GFRA4: variants seen among roughly 807,000 people sequenced by gnomAD.
The protein encoded by GFRA4 is GDNF family receptor alpha 4.
GFRA4 carries 31 observed loss-of-function variants against 28.5 expected under a neutral mutation model. The ratio of observed to expected loss-of-function variants is 1.09; its 90% CI spans 0.82 to 1.47. GFRA4 has a LOEUF of 1.47. Among genes scored for constraint, GFRA4 ranks in the 40% most tolerant of loss-of-function variants. GFRA4 has a pLI of 0.00. For missense variants in GFRA4, 389 were observed against 413.2 expected, an observed-to-expected ratio of 0.94 and a Z score of 0.51; for synonymous variants, 188 against 188.0, an observed-to-expected ratio of 1.00 and a Z score of 0.00.
At chr20:3,660,425 T>C (rs1229244350) in intron 4 of GFRA4, 101 bp downstream of exon 4, 2 of 1,226,418 alleles carry the variant, frequency 1.6e-6, no homozygotes, top group African/African-American at 3.0e-5. Context: ...AACTGTACAG[T>C]CTTCCATTCT....
chr20:3,662,242 C>T (rs2087231758), intron 1 of GFRA4, among the ~76,000 whole-genome samples: 2 of 152,164 alleles, frequency 1.3e-5, no homozygotes, highest in African/African-American at 4.8e-5. Context: ...GCCCACATGC[C>T]CACAGGCTGT....
chr20:3,659,786 G>A lies in GFRA4; in HGVS notation c.*123C>T. ...CCAAACCTACAAAGGGCAGCGGAGT[G>A]AAAGCACCAGGGCCGGCTTGGGGGG... On this transcript the variant is annotated 3_prime_UTR_variant, in exon 6 of 6. Transcript: ENST00000290417. The A allele has an allele frequency of 2.2e-6, 2 of 927,842 alleles. No individual in the cohort carries two copies. The highest frequency in any genetic ancestry group is 3.3e-6 in the Non-Finnish European group (2 of 604,710). The allele number at this position is 927,842 out of a possible 1,614,324, so 57.5% of individuals were successfully genotyped here.
rs1317518323 is a variant in GFRA4, at chr20:3,661,654, A to G, written c.47-365T>C. Among the ~76,000 whole-genome samples the G allele has an allele frequency of 2.0e-5, 3 of 152,172 alleles. No individual in the cohort carries two copies. The East Asian group carries it at 5.8e-4, about 29-fold the overall frequency. On this transcript the variant is annotated intron_variant, in intron 1 of 5. Transcript: ENST00000290417. ...CAATGGCACTACCTGACGGGGGAAC[A>G]ATGAGGCTTTCTGGGGATCTGGCCA... is the stretch of plus-strand genomic sequence containing the variant.
Position 3,661,035 on chromosome 20 carries a change from A to T in GFRA4, c.301T>A (p.Phe101Ile). ...PACAERRRQT[F>I]VPSCAFSGPG... ...CCCGAAAAGGCGCAGGAGGGCACGA[A>T]GGTCTGGCGCCGACGCTCGGCGCAC... Residue 101 changes from phenylalanine to isoleucine, a missense_variant, in exon 2 of 6, where the codon TTC becomes ATC. Physicochemically the swap from Phe to Ile is conservative, Grantham distance 21. Coordinates refer to ENST00000290417, the MANE Select transcript of GFRA4 (RefSeq NM_022139.4). 1 of 1,463,802 alleles carries T rather than the reference A, an allele frequency of 6.8e-7. No individual in the cohort carries two copies. Among genetic ancestry groups the T allele is most frequent in the Non-Finnish European group, 9.0e-7 (1 of 1,114,828 alleles). The allele number at this position is 1,463,802 out of a possible 1,614,324, so 90.7% of individuals were successfully genotyped here.
At position 3,661,056 on chromosome 20, in the gene GFRA4, C is replaced by T; in HGVS notation, c.280G>A (p.Ala94Thr). ...LFCPCAGPAC[A>T]ERRRQTFVPS... ...ACGAAGGTCTGGCGCCGACGCTCGGCGCACGCGGGGCCCGCGCACGGGCAG... is the reference window on the plus strand; with the variant it reads ...ACGAAGGTCTGGCGCCGACGCTCGGTGCACGCGGGGCCCGCGCACGGGCAG... Residue 94 changes from alanine to threonine, a missense_variant, in exon 2 of 6, where the codon GCC becomes ACC. Coordinates refer to ENST00000290417, the MANE Select transcript of GFRA4 (RefSeq NM_022139.4). 2.8e-6 allele frequency: 4 copies of T among 1,450,380 alleles called. No individual in the cohort carries two copies. The highest frequency in any genetic ancestry group is 3.6e-6 in the Non-Finnish European group (4 of 1,108,782). The allele number at this position is 1,450,380 out of a possible 1,614,324, so 89.8% of individuals were successfully genotyped here.
rs976222913 is a variant in GFRA4 at position 3,659,703 on chromosome 20, G to A, written c.*206C>T. 1.9e-5 allele frequency: 11 copies of A among 587,476 alleles called. No homozygotes were observed. The highest frequency in any genetic ancestry group is 1.5e-4 in the African/African-American group (8 of 52,860). The allele number at this position is 587,476 out of a possible 1,614,324, so 36.4% of individuals were successfully genotyped here. ...GATGCCTCCTGACAGGGAGACGGGG[G>A]CTTTACAGTCAGGCCCCAGCCTACA... On this transcript the variant is annotated 3_prime_UTR_variant, in exon 6 of 6. Transcript: ENST00000290417.
rs374283828 is a variant in GFRA4, at chr20:3,660,222, C to A, written c.665G>T (p.Gly222Val). 3 of 1,606,304 alleles carry A rather than the reference C, an allele frequency of 1.9e-6. No individual in the cohort carries two copies. Among genetic ancestry groups the A allele is most frequent in the Non-Finnish European group, 1.7e-6 (2 of 1,177,086 alleles). ...CTGGTCCAGCAGGACTGGGGGCCAC[C>A]CGCTGGCAAAGGCCTGAATGGCACC... The part of the protein sequence containing the change: ...LDGAIQAFAS[G>V]WPPVLLDQLN... The change falls in exon 5 of 6, where the codon GGG becomes GTG. Residue 222 changes from glycine (G) to valine (V), a missense_variant. Physicochemically the swap from Gly to Val is moderately radical, Grantham distance 109. Coordinates refer to ENST00000290417, the MANE Select transcript of GFRA4 (RefSeq NM_022139.4).
In GFRA4 at chr20:3,661,069, C is replaced by A. The variant is rs1029600676; in HGVS notation, c.267G>T (p.Ala89=). ...LTHALLFCPC[A]GPACAERRRQ... The stretch of plus-strand genomic sequence containing the variant: ...GCCGACGCTCGGCGCACGCGGGGCC[C>A]GCGCACGGGCAGAAGAGCAGTGCGT... Residue 89 remains alanine, a synonymous_variant, in exon 2 of 6, where the codon GCG becomes GCT. Coordinates refer to ENST00000290417, the MANE Select transcript of GFRA4 (RefSeq NM_022139.4). 7.6e-6 allele frequency: 11 copies of A among 1,442,532 alleles called. No homozygotes were observed. The highest frequency in any genetic ancestry group is 4.0e-5 in the South Asian group (3 of 74,832). 89.4% of individuals were successfully genotyped at this position (1,442,532 alleles called of 1,614,324 possible). A position where few individuals can be genotyped will look rare whatever the true frequency, so the allele number is the denominator to read the frequency against.
chr20:3,660,615 ACG>A lies in GFRA4; in HGVS notation c.546_547del (p.Val183GlyfsTer14). 2 of 1,550,704 alleles carry A rather than the reference ACG, an allele frequency of 1.3e-6. No individual in the cohort carries two copies. The highest frequency in any genetic ancestry group is 1.7e-6 in the Non-Finnish European group (2 of 1,147,372). On this transcript the variant is annotated frameshift_variant, in exon 4 of 6. Transcript: ENST00000290417. LOFTEE classifies it high-confidence loss of function. ...GGCTCCGCAGTCGCACCAGGGCGCCACGCGCGCGCTCACGTTGTCCACGTAGT... is the reference window on the plus strand; with the variant it reads ...GGCTCCGCAGTCGCACCAGGGCGCCACGCGCGCTCACGTTGTCCACGTAGT...
chr20:3,660,276 C>T, intron 4 of GFRA4, 27 bp from the exon 5 acceptor site: 1 of 1,568,612 alleles, frequency 6.4e-7, no homozygotes, highest in Non-Finnish European at 8.7e-7. Flanking sequence ...CCAGGGTGGA[C>T]TTAGCTGGGA....
In GFRA4 at chr20:3,660,821, TGGGCG is replaced by T; in HGVS notation, c.431_435del (p.Ala144GlufsTer29). 7.1e-7 allele frequency: 1 copy of T among 1,416,326 alleles called. No homozygotes were observed. Among genetic ancestry groups the T allele is most frequent in the Non-Finnish European group, 9.1e-7 (1 of 1,097,404 alleles). The allele number at this position is 1,416,326 out of a possible 1,614,324, so 87.7% of individuals were successfully genotyped here. A position where few individuals can be genotyped will look rare whatever the true frequency, so the allele number is the denominator to read the frequency against. ...TCCAGCAGGCAGCCGTCGGGGGCGC[TGGGCG>T]CTGGGGTGCACGAGACCTGAAAGGC... On this transcript the variant is annotated frameshift_variant, in exon 3 of 6. Transcript: ENST00000290417. LOFTEE classifies it high-confidence loss of function.
chr20:3,661,748 T>C (rs574242559), intron 1 of GFRA4, among the ~76,000 whole-genome samples: 1 of 152,314 alleles, frequency 6.6e-6, no homozygotes, highest in East Asian at 1.9e-4. Context: ...TGACAGGCTG[T>C]GACGCCATAC....
At position 3,660,566 on chromosome 20, in the gene GFRA4, G is replaced by T; in HGVS notation, c.597C>A (p.Cys199Ter). 6.4e-7 allele frequency: 1 copy of T among 1,550,600 alleles called. No homozygotes were observed. Among genetic ancestry groups the T allele is most frequent in the South Asian group, 1.2e-5 (1 of 84,092 alleles). Residue 199 changes from cysteine (C) to a stop codon, truncating the protein, a stop_gained, in exon 4 of 6, where the codon TGC becomes TGA. Coordinates refer to ENST00000290417, the MANE Select transcript of GFRA4 (RefSeq NM_022139.4). LOFTEE classifies it high-confidence loss of function. ...TGGTAAAGAGCCCCCGGAAGGCTTC[G>T]CAGTCCTCACGCCGGTTCCCGCTGG... ...CGASGNRRED[C>*]EAFRGLFTRN...
intron 1 of GFRA4, among the ~76,000 whole-genome samples, chr20:3,661,666 TG>T (rs1866063100): frequency 6.6e-6 from 1 of 152,226 alleles, no homozygotes; most frequent in Admixed American, 6.5e-5. Context: ...TGAGGCTTTC[TG>T]GGGATCTGGC....
At position 3,659,547 on chromosome 20, in the gene GFRA4, G is replaced by A. The variant is rs2087193773; in HGVS notation, c.*362C>T. 3 of 269,142 alleles carry A rather than the reference G, an allele frequency of 1.1e-5. No homozygotes were observed. The South Asian group carries it at 1.7e-4, about 15-fold the overall frequency. 16.7% of individuals were successfully genotyped at this position (269,142 alleles called of 1,614,324 possible). A position where few individuals can be genotyped will look rare whatever the true frequency, so the allele number is the denominator to read the frequency against. ...TTCCTAGAATTCTGGGATTCTGGAT[G>A]GTCTCTGACCTGCTCTAGGGGATCT... On this transcript the variant is annotated 3_prime_UTR_variant, in exon 6 of 6. Transcript: ENST00000290417.
Position 3,660,601 on chromosome 20 carries a change from C to T in GFRA4, c.562G>A (p.Asp188Asn). Residue 188 changes from aspartate (D) to asparagine (N), a missense_variant, in exon 4 of 6, where the codon GAC becomes AAC. Coordinates refer to ENST00000290417, the MANE Select transcript of GFRA4 (RefSeq NM_022139.4). ...NVSARVAPWC[D>N]CGASGNRRED... Reference sequence around the variant, plus strand: ...CGCCGGTTCCCGCTGGCTCCGCAGTCGCACCAGGGCGCCACGCGCGCGCTC... The same window carrying T: ...CGCCGGTTCCCGCTGGCTCCGCAGTTGCACCAGGGCGCCACGCGCGCGCTC... 1.3e-6 allele frequency: 2 copies of T among 1,550,816 alleles called. No individual in the cohort carries two copies. The highest frequency in any genetic ancestry group is 1.7e-6 in the Non-Finnish European group (2 of 1,147,300).
intron 3 of GFRA4, 32 bp downstream of exon 3, chr20:3,660,723 C>CCCG (rs1169635649): frequency 1.4e-6 from 2 of 1,450,210 alleles, no homozygotes; most frequent in African/African-American, 1.5e-5. Flanking sequence ...CTGGAGAACC[C>CCCG]CCGCCCTCGC....
Position 3,660,848 on chromosome 20 carries a change from A to C in GFRA4, c.409T>G (p.Phe137Val). ...GGCGCTGGGGTGCACGAGACCTGAA[A>C]GGCCAGGAGGCGAGGCCTGCGCGGC... ...SRVCRPRLLA[F>V]QVSCTPAPSA... is the part of the protein sequence containing the mutation. The change falls in exon 3 of 6, where the codon TTT becomes GTT. Residue 137 changes from phenylalanine to valine, a missense_variant. Phe to Val is a conservative substitution (Grantham distance 50). Transcript: ENST00000290417. 7.0e-7 allele frequency: 1 copy of C among 1,421,836 alleles called. No homozygotes were observed. Among genetic ancestry groups the C allele is most frequent in the Non-Finnish European group, 9.1e-7 (1 of 1,098,788 alleles). 88.1% of individuals were successfully genotyped at this position (1,421,836 alleles called of 1,614,324 possible).
At chr20:3,660,497 C>A (rs1288017246) in intron 4 of GFRA4, 29 bp downstream of exon 4, 15 of 1,396,982 alleles carry the variant, frequency 1.1e-5, no homozygotes, top group African/African-American at 2.9e-5. Context: ...CGCCCCCACT[C>A]CCCCTCCACT....
Sources: allele counts gnomAD v4.1 joint callset (sites outside exome capture counted in the v4.1 genomes callset), GRCh38; gene constraint gnomAD v4.1.1; transcripts MANE v1.5; gene names NCBI Gene and HGNC (gene_info 2026-07-23, HGNC 2026-07-21).